The following SACS variants were observed in gnomAD, a reference collection of about 807,000 sequenced individuals.
SACS encodes sacsin.
SACS carries 197 observed loss-of-function variants against 348.0 expected under a neutral mutation model. The observed-to-expected ratio is 0.57, with a 90% confidence interval of 0.50 to 0.64. The LOEUF (loss-of-function observed/expected upper bound fraction) is 0.64. Among genes scored for constraint, SACS ranks in the 30% least tolerant of loss-of-function variants. The pLI, the probability that SACS is intolerant of heterozygous loss-of-function variation, is 0.00. For missense variants in SACS, 4,999 were observed against 5,360.8 expected (o/e 0.93, Z 2.11); for synonymous variants, 1,985 against 1,910.6 (o/e 1.04, Z -1.02).
At chr13:23,411,995 C>T (rs1350651875) in intron 1 of SACS, among the ~76,000 whole-genome samples, 1 of 152,192 alleles carries the variant, frequency 6.6e-6, no homozygotes, top group African/African-American at 2.4e-5. Context: ...CGCGGTGGCT[C>T]ACGCCTGTAA....
intron 2 of SACS, among the ~76,000 whole-genome samples, chr13:23,408,827 T>C (rs924659982): frequency 6.6e-6 from 1 of 151,470 alleles, no homozygotes; most frequent in Non-Finnish European, 1.5e-5. Flanking sequence ...TAGCCGGGCG[T>C]GGTGGTGGGC....
intron 9 of SACS, 28 bp downstream of exon 9, chr13:23,353,757 T>A: frequency 7.7e-7 from 1 of 1,291,158 alleles, no homozygotes; most frequent in Non-Finnish European, 1.1e-6. Context: ...TATAGAAGTT[T>A]ATTTAAAAGA....
chr13:23,346,564 G>A (rs1869621771), intron 9 of SACS, among the ~76,000 whole-genome samples: 2 of 152,180 alleles, frequency 1.3e-5, no homozygotes, highest in African/African-American at 4.8e-5. Context: ...TCTTTGATTA[G>A]AGACTAAATG....
chr13:23,383,478 A>T (rs924325930), intron 2 of SACS, among the ~76,000 whole-genome samples: 5 of 152,100 alleles, frequency 3.3e-5, no homozygotes, highest in Non-Finnish European at 5.9e-5. Context: ...GTAATGTCCA[A>T]ATGTTTCCCA....
intron 3 of SACS, among the ~76,000 whole-genome samples, chr13:23,374,635 TAA>T (rs34919260): frequency 2.0e-5 from 3 of 152,222 alleles, no homozygotes; most frequent in Non-Finnish European, 4.4e-5. Context: ...ACTTGAACTT[TAA>T]AAGTTTTAGT....
In SACS at chr13:23,331,377, T is replaced by C. The variant is rs751118409; in HGVS notation, c.12499A>G (p.Thr4167Ala). Residue 4167 changes from threonine (T) to alanine (A), a missense_variant, in exon 10 of 10, where the codon ACT (threonine) becomes GCT (alanine). Around this residue, in one of 6 missense-constraint regions of SACS, gnomAD observed 831 missense variants for 941.8 expected, o/e 0.88. Coordinates refer to ENST00000382292, the MANE Select transcript of SACS (RefSeq NM_014363.6). ...ACATTCATTGGGTCCATAAGCAGAG[T>C]GTAATGAATTTCAGCAGGAATTGGT... is the stretch of plus-strand genomic sequence containing the variant. Reference protein sequence around the residue: ...GTPIPAEIHYTLLMDPMNVFY... With the variant: ...GTPIPAEIHYALLMDPMNVFY... The C allele has an allele frequency of 3.1e-6, 5 of 1,613,854 alleles. No homozygotes were observed. Among genetic ancestry groups the C allele is most frequent in the African/African-American group, 2.7e-5 (2 of 74,860 alleles).
chr13:23,384,970 G>A (rs1872217478), intron 2 of SACS, among the ~76,000 whole-genome samples: 1 of 152,016 alleles, frequency 6.6e-6, no homozygotes, highest in African/African-American at 2.4e-5. Flanking sequence ...CTTTAAAAAT[G>A]TACATTCCTG....
At position 23,332,331 on chromosome 13, in the gene SACS, AAAT is replaced by A. The variant is rs2137565671; in HGVS notation, c.11542_11544del (p.Ile3848del). Reference sequence around the variant, plus strand: ...AACACTTCAACATATTGCTTAGTTGAAATAATATCTTCAGTACCTAAGTGTTTG... The same window carrying A: ...AACACTTCAACATATTGCTTAGTTGAAATATCTTCAGTACCTAAGTGTTTG... On this transcript the variant is annotated inframe_deletion, in exon 10 of 10. Coordinates refer to ENST00000382292, the MANE Select transcript of SACS (RefSeq NM_014363.6). 2 of 1,614,038 alleles carry A rather than the reference AAAT, an allele frequency of 1.2e-6. No individual in the cohort carries two copies. Among genetic ancestry groups the A allele is most frequent in the Non-Finnish European group, 1.7e-6 (2 of 1,179,926 alleles).
rs141315518 is a variant in SACS at position 23,331,644 on chromosome 13, G to C, written c.12232C>G (p.Arg4078Gly). The C allele has an allele frequency of 1.9e-6, 3 of 1,613,720 alleles. No homozygotes were observed. The highest frequency in any genetic ancestry group is 3.3e-5 in the Admixed American group (2 of 59,986). Reference sequence around the variant, plus strand: ...AGCAAGATGACTGCATTACCAAATCGCTTCAAAAAAGCAAAAGTTTCACTT... The same window carrying C: ...AGCAAGATGACTGCATTACCAAATCCCTTCAAAAAAGCAAAAGTTTCACTT... ...SRSETFAFLK[R>G]FGNAVILLYI... The change falls in exon 10 of 10, where the codon CGA becomes GGA. Residue 4078 changes from arginine to glycine, a missense_variant. Transcript: ENST00000382292.
chr13:23,400,933 G>T (rs184022763), intron 2 of SACS, among the ~76,000 whole-genome samples: 1 of 152,080 alleles, frequency 6.6e-6, no homozygotes, highest in Non-Finnish European at 1.5e-5. Flanking sequence ...AAATAGAGTG[G>T]TGTTAAAAAT....
At chr13:23,421,621 G>C (rs367747259) in intron 1 of SACS, among the ~76,000 whole-genome samples, 11 of 152,156 alleles carry the variant, frequency 7.2e-5, no homozygotes, top group East Asian at 3.9e-4. Context: ...TGGCACGGAT[G>C]TGAGCCTGGT....
intron 9 of SACS, among the ~76,000 whole-genome samples, chr13:23,348,771 G>C (rs1869774023): frequency 6.6e-6 from 1 of 152,098 alleles, no homozygotes; most frequent in Admixed American, 6.5e-5. Flanking sequence ...TAAGCAAAAG[G>C]AACACCATGT....
intron 2 of SACS, among the ~76,000 whole-genome samples, chr13:23,385,724 G>T (rs920288307): frequency 6.6e-6 from 1 of 152,082 alleles, no homozygotes; most frequent in Non-Finnish European, 1.5e-5. Context: ...AATTCATTTT[G>T]CCCAGATCCG....
At position 23,417,675 on chromosome 13, in the gene SACS, A is replaced by G. The variant is rs139406043; in HGVS notation, c.-501-5935T>C. ...GAGAAAATCAAACCTTAAAAATTTT[A>G]GAAGGAAGTGGAACACAATATCTTT... On this transcript the variant is annotated intron_variant, in intron 1 of 9. Transcript: ENST00000382292. 9.5e-3 allele frequency among the ~76,000 whole-genome samples: 1,453 copies of G among 152,316 alleles called. 15 individuals are homozygous for G. The highest frequency in any genetic ancestry group is 0.033 in the African/African-American group (1,375 of 41,560).
At chr13:23,431,956 T>G (rs1874449543) in intron 1 of SACS, among the ~76,000 whole-genome samples, 1 of 152,224 alleles carries the variant, frequency 6.6e-6, no homozygotes, top group East Asian at 1.9e-4. Context: ...AAACTCTTAC[T>G]AAATAGTGAC....
intron 3 of SACS, among the ~76,000 whole-genome samples, chr13:23,373,153 C>A (rs907354254): frequency 2.0e-4 from 31 of 152,070 alleles, no homozygotes; most frequent in African/African-American, 6.8e-4. Flanking sequence ...AGAGGAGGAA[C>A]CAAAGAAGTG....
At position 23,340,982 on chromosome 13, in the gene SACS, G is replaced by A. The variant is rs1869153211; in HGVS notation, c.2894C>T (p.Ser965Leu). Reference sequence around the variant, plus strand: ...AGCTTCATCACTACTGTCTATTACTGAAATAGAAAGTCGCAGATCTGCTGG... The same window carrying A: ...AGCTTCATCACTACTGTCTATTACTAAAATAGAAAGTCGCAGATCTGCTGG... Reference protein sequence around the residue: ...KLPADLRLSISVIDSSDEATI... With the variant: ...KLPADLRLSILVIDSSDEATI... The change falls in exon 10 of 10, where the codon TCA (serine) becomes TTA (leucine). Residue 965 changes from serine (S) to leucine (L), a missense_variant. Coordinates refer to ENST00000382292, the MANE Select transcript of SACS (RefSeq NM_014363.6). 1.2e-6 allele frequency: 2 copies of A among 1,614,092 alleles called. No individual in the cohort carries two copies. The highest frequency in any genetic ancestry group is 1.7e-6 in the Non-Finnish European group (2 of 1,179,978).
intron 2 of SACS, among the ~76,000 whole-genome samples, chr13:23,395,749 T>C (rs929986976): frequency 3.3e-5 from 5 of 152,238 alleles, no homozygotes; most frequent in Non-Finnish European, 7.3e-5. Flanking sequence ...CCTTACCTTA[T>C]TCTATCTGTC....
intron 2 of SACS, among the ~76,000 whole-genome samples, chr13:23,390,028 G>T (rs1182857660): frequency 7.3e-5 from 11 of 151,716 alleles, no homozygotes; most frequent in Admixed American, 3.3e-4. Flanking sequence ...AATGGATTTG[G>T]TTTTTTTTCT....
Sources: allele counts gnomAD v4.1 joint callset (sites outside exome capture counted in the v4.1 genomes callset), GRCh38; gene constraint gnomAD v4.1.1; regional missense constraint gnomAD v4.1.1; transcripts MANE v1.5; gene names NCBI Gene and HGNC (gene_info 2026-07-23, HGNC 2026-07-21).